Variants in DPP10 observed in about 807,000 individuals in gnomAD.
DPP10 encodes inactive dipeptidyl peptidase 10.
DPP10 carries 33 observed loss-of-function variants against 120.9 expected under a neutral mutation model. The ratio of observed to expected loss-of-function variants is 0.27; its 90% CI spans 0.21 to 0.37. The LOEUF (loss-of-function observed/expected upper bound fraction) is 0.37, where lower values mean the gene tolerates loss of function less well. DPP10 is among the 10% of genes least tolerant of loss of function. The pLI, the probability that DPP10 is intolerant of heterozygous loss-of-function variation, is 1.00. For missense variants in DPP10, 816 were observed against 942.8 expected, an observed-to-expected ratio of 0.87 and a Z score of 1.76; for synonymous variants, 337 against 326.1, an observed-to-expected ratio of 1.03 and a Z score of -0.36.
intron 13 of DPP10, among the ~76,000 whole-genome samples, chr2:115,772,484 A>G (rs1681594151): frequency 6.6e-6 from 1 of 152,186 alleles, no homozygotes; most frequent in East Asian, 1.9e-4. Context: ...CCACTTTCAT[A>G]TATTCCATTA....
At chr2:114,943,995 A>T (rs1244020029) in intron 1 of DPP10, among the ~76,000 whole-genome samples, 1 of 152,144 alleles carries the variant, frequency 6.6e-6, no homozygotes, top group Non-Finnish European at 1.5e-5. Flanking sequence ...AGTATGTGGT[A>T]ATTTAGTTAG....
chr2:115,523,422 A>AAAAC (rs2077940216), intron 4 of DPP10, among the ~76,000 whole-genome samples: 8 of 122,436 alleles, frequency 6.5e-5, no homozygotes, highest in African/African-American at 8.6e-5. Flanking sequence ...AAAAAAAAAA[A>AAAAC]CCCTCCTGCT....
At chr2:115,001,118 T>G (rs1291677283) in intron 1 of DPP10, among the ~76,000 whole-genome samples, 1 of 152,218 alleles carries the variant, frequency 6.6e-6, no homozygotes, top group African/African-American at 2.4e-5. Context: ...TAACATTCTT[T>G]GTATTGTCAT....
At chr2:115,164,344 CATT>C (rs937548139) in intron 1 of DPP10, among the ~76,000 whole-genome samples, 39 of 151,728 alleles carry the variant, frequency 2.6e-4, no homozygotes, top group African/African-American at 9.2e-4. Flanking sequence ...CCATATTAGT[CATT>C]ATGGTTTAAT....
rs1306051481 is a variant in DPP10 at position 114,568,951 on chromosome 2, G to A, written c.60+126113G>A. 2.0e-5 allele frequency among the ~76,000 whole-genome samples: 3 copies of A among 152,234 alleles called. No individual in the cohort carries two copies. The South Asian group carries it at 6.2e-4, about 32-fold the overall frequency. ...TTTAATACATAAATAGAATTTATGTGTTTTTAATATAAAGATCAGAACTGT... is the reference window on the plus strand; with the variant it reads ...TTTAATACATAAATAGAATTTATGTATTTTTAATATAAAGATCAGAACTGT... On this transcript the variant is annotated intron_variant, in intron 1 of 25. Transcript: ENST00000410059.
chr2:115,023,079 C>A (rs1559004422), intron 1 of DPP10, among the ~76,000 whole-genome samples: 1 of 152,108 alleles, frequency 6.6e-6, no homozygotes, highest in African/African-American at 2.4e-5. Flanking sequence ...CCCTTGTAGA[C>A]ATTGACTTAG....
At chr2:114,837,507 T>G (rs1419165310) in intron 1 of DPP10, among the ~76,000 whole-genome samples, 2 of 152,176 alleles carry the variant, frequency 1.3e-5, no homozygotes, top group Non-Finnish European at 2.9e-5. Context: ...GAATACGTTT[T>G]AATTATTTGG....
At chr2:115,629,423 G>C (rs1406555594) in intron 5 of DPP10, among the ~76,000 whole-genome samples, 1 of 152,032 alleles carries the variant, frequency 6.6e-6, no homozygotes, top group African/African-American at 2.4e-5. Flanking sequence ...CTAGTTTACA[G>C]TCCCACCAAC....
chr2:115,031,178 T>C (rs1703815972), intron 1 of DPP10, among the ~76,000 whole-genome samples: 1 of 152,138 alleles, frequency 6.6e-6, no homozygotes, highest in Non-Finnish European at 1.5e-5. Flanking sequence ...GAAAAATATT[T>C]TTCAAGGTAT....
intron 1 of DPP10, among the ~76,000 whole-genome samples, chr2:114,554,171 C>T (rs1456670227): frequency 1.3e-5 from 2 of 152,212 alleles, no homozygotes; most frequent in Non-Finnish European, 2.9e-5. Flanking sequence ...CCATCCCATG[C>T]TTTCCTCTCT....
At chr2:115,816,322 G>C (rs959550997) in intron 21 of DPP10, among the ~76,000 whole-genome samples, 8 of 152,174 alleles carry the variant, frequency 5.3e-5, no homozygotes, top group African/African-American at 1.9e-4. Context: ...AGGACTCTCT[G>C]ATGAGGTTAT....
chr2:114,634,290 A>G (rs1462671522), intron 1 of DPP10, among the ~76,000 whole-genome samples: 1 of 151,934 alleles, frequency 6.6e-6, no homozygotes, highest in Non-Finnish European at 1.5e-5. Context: ...TTAAATGAAT[A>G]TAAAAAGTAT....
chr2:115,233,059 T>C (rs1352309858), intron 1 of DPP10, among the ~76,000 whole-genome samples: 1 of 143,032 alleles, frequency 7.0e-6, no homozygotes, highest in African/African-American at 2.7e-5. Flanking sequence ...TGACTGTAGA[T>C]TGACTGTTTT....
chr2:114,764,904 G>A (rs10184089), intron 1 of DPP10, among the ~76,000 whole-genome samples: 11,586 of 152,162 alleles, frequency 0.076, 973 homozygotes, highest in African/African-American at 0.21. Context: ...ATGTTGTGGG[G>A]AAAATTCTAG....
chr2:115,523,486 G>A (rs1199486810), intron 4 of DPP10, among the ~76,000 whole-genome samples: 4 of 149,158 alleles, frequency 2.7e-5, no homozygotes, highest in Non-Finnish European at 4.4e-5. Flanking sequence ...GTCTTGTTAC[G>A]TATGCTTCTC....
chr2:114,861,589 A>G (rs1689813173), intron 1 of DPP10, among the ~76,000 whole-genome samples: 1 of 152,184 alleles, frequency 6.6e-6, no homozygotes, highest in Non-Finnish European at 1.5e-5. Flanking sequence ...AACTACATTT[A>G]TGTTGAATTT....
intron 2 of DPP10, among the ~76,000 whole-genome samples, chr2:115,321,434 T>C (rs2062051283): frequency 6.6e-6 from 1 of 152,108 alleles, no homozygotes; most frequent in Non-Finnish European, 1.5e-5. Flanking sequence ...AGGGTTTTCT[T>C]TCGCTGCTTG....
chr2:115,710,337 G>A (rs1462659709), intron 7 of DPP10, among the ~76,000 whole-genome samples: 1 of 152,114 alleles, frequency 6.6e-6, no homozygotes, highest in Non-Finnish European at 1.5e-5. Flanking sequence ...ATGGGGGTAT[G>A]TATGTCTGTA....
At position 115,343,798 on chromosome 2, in the gene DPP10, A is replaced by G. The variant is rs760267041; in HGVS notation, c.176-19A>G. 6.3e-7 allele frequency: 1 copy of G among 1,586,576 alleles called. No homozygotes were observed. Among genetic ancestry groups the G allele is most frequent in the African/African-American group, 1.4e-5 (1 of 73,662 alleles). The stretch of plus-strand genomic sequence containing the variant: ...CAAGCATAAGATAGGCATCTAACCT[A>G]GAATTTCCTTTATTTTAGATGAACT... On this transcript the variant is annotated intron_variant, in intron 2 of 25. Transcript: ENST00000410059.
Sources: allele counts gnomAD v4.1 joint callset (sites outside exome capture counted in the v4.1 genomes callset), GRCh38; gene constraint gnomAD v4.1.1; transcripts MANE v1.5; gene names NCBI Gene and HGNC (gene_info 2026-07-23, HGNC 2026-07-21).